The following FYN variants were observed in gnomAD, a reference collection of about 807,000 sequenced individuals.
The protein encoded by FYN is FYN proto-oncogene, Src family tyrosine kinase.
FYN carries 10 observed loss-of-function variants against 70.2 expected under a neutral mutation model. The observed-to-expected ratio is 0.14, with a 90% confidence interval of 0.09 to 0.24. The LOEUF is 0.24. Among genes scored for constraint, FYN ranks in the 10% least tolerant of loss-of-function variants. FYN has a pLI of 1.00. For missense variants in FYN, 319 were observed against 673.1 expected (o/e 0.47, Z 5.82); for synonymous variants, 236 against 248.6 (o/e 0.95, Z 0.48).
intron 1 of FYN, among the ~76,000 whole-genome samples, chr6:111,863,945 CT>C (rs1774033859): frequency 6.6e-6 from 1 of 152,160 alleles, no homozygotes; most frequent in Non-Finnish European, 1.5e-5. Context: ...CCAGAGCTGC[CT>C]GCTGACTCTT....
intron 3 of FYN, among the ~76,000 whole-genome samples, chr6:111,756,311 C>A (rs1294864777): frequency 6.6e-6 from 1 of 151,586 alleles, no homozygotes; most frequent in Non-Finnish European, 1.5e-5. Context: ...AGTCTAATAA[C>A]CTTTAAAAAA....
At chr6:111,855,171 G>GA (rs1397092051) in intron 1 of FYN, among the ~76,000 whole-genome samples, 1 of 152,236 alleles carries the variant, frequency 6.6e-6, no homozygotes, top group African/African-American at 2.4e-5. Context: ...GTTTTAAACA[G>GA]AAAATCAATT....
intron 3 of FYN, among the ~76,000 whole-genome samples, chr6:111,766,827 G>A (rs1237623426): frequency 6.6e-6 from 1 of 152,132 alleles, no homozygotes; most frequent in Non-Finnish European, 1.5e-5. Context: ...ATGACATGTG[G>A]GGATTATGGA....
rs528353475 is a variant in FYN, at chr6:111,756,795, A to C, written c.-12+23771T>G. 2.0e-5 allele frequency among the ~76,000 whole-genome samples: 3 copies of C among 152,344 alleles called. No individual in the cohort carries two copies. In the South Asian group the frequency reaches 6.2e-4, roughly 32 times the overall value. On this transcript the variant is annotated intron_variant, in intron 3 of 13. Transcript: ENST00000354650. ...ATAATTTTTTAAAATAGAAACTTTTAGCAAACTAGGATCAGAAGGGGACTT... is the reference window on the plus strand; with the variant it reads ...ATAATTTTTTAAAATAGAAACTTTTCGCAAACTAGGATCAGAAGGGGACTT...
intron 3 of FYN, among the ~76,000 whole-genome samples, chr6:111,777,385 C>T (rs1178691803): frequency 1.3e-5 from 2 of 151,510 alleles, no homozygotes; most frequent in African/African-American, 2.4e-5. Flanking sequence ...ATAATAAGTA[C>T]TTTATAAATA....
chr6:111,814,208 T>C (rs1006534398), intron 2 of FYN: 1 of 152,190 alleles, frequency 6.6e-6, no homozygotes, highest in African/African-American at 2.4e-5. Flanking sequence ...TTCAACATTT[T>C]AGAAATAGGT....
At position 111,702,866 on chromosome 6, in the gene FYN, T is replaced by A; in HGVS notation, c.697+19A>T. 1 of 1,611,870 alleles carries A rather than the reference T, an allele frequency of 6.2e-7. No individual in the cohort carries two copies. Among genetic ancestry groups the A allele is most frequent in the Non-Finnish European group, 8.5e-7 (1 of 1,178,630 alleles). On this transcript the variant is annotated intron_variant, in intron 8 of 13. Coordinates refer to ENST00000354650, the MANE Select transcript of FYN (RefSeq NM_002037.5). ...CTCCAGCATCCAAATGGTTAGTAGG[T>A]AGTTAGAATTAAGGTTACCTGAGTA...
At chr6:111,866,967 A>G (rs147720752) in intron 1 of FYN, among the ~76,000 whole-genome samples, 2 of 152,140 alleles carry the variant, frequency 1.3e-5, no homozygotes, top group East Asian at 3.9e-4. Flanking sequence ...GCTAAATCCA[A>G]CTGCATTTTT....
intron 12 of FYN, among the ~76,000 whole-genome samples, chr6:111,679,615 C>T (rs1229073736): frequency 6.6e-6 from 1 of 152,126 alleles, no homozygotes; most frequent in African/African-American, 2.4e-5. Flanking sequence ...ATTATCAGTT[C>T]CCTGCCCTCT....
chr6:111,790,261 C>G (rs1226322846), intron 2 of FYN, among the ~76,000 whole-genome samples: 1 of 143,640 alleles, frequency 7.0e-6, no homozygotes, highest in Non-Finnish European at 1.6e-5. Flanking sequence ...CACACACACA[C>G]ACACACACAC....
Position 111,749,863 on chromosome 6 carries a change from G to A in FYN, c.-11-29801C>T, listed in dbSNP as rs556692116. The stretch of plus-strand genomic sequence containing the variant: ...ACAAATATGGAATTAAGAAATGACA[G>A]GGATAAATGACCTACATGATGGAAA... On this transcript the variant is annotated intron_variant, in intron 3 of 13. Transcript: ENST00000354650. Among the ~76,000 whole-genome samples, 8 of 152,086 alleles carry A rather than the reference G, an allele frequency of 5.3e-5. No homozygotes were observed. The East Asian group carries it at 1.4e-3, about 26-fold the overall frequency.
chr6:111,753,494 G>A (rs1802576086), intron 3 of FYN, among the ~76,000 whole-genome samples: 1 of 152,136 alleles, frequency 6.6e-6, no homozygotes, highest in Non-Finnish European at 1.5e-5. Context: ...TTGAAAATTT[G>A]TATGGTGAAA....
At chr6:111,711,523 G>A (rs1800378435) in intron 5 of FYN, among the ~76,000 whole-genome samples, 1 of 152,232 alleles carries the variant, frequency 6.6e-6, no homozygotes, top group South Asian at 2.1e-4. Flanking sequence ...TGGGTAGCAG[G>A]AACACCGCCT....
intron 3 of FYN, among the ~76,000 whole-genome samples, chr6:111,722,180 A>G (rs1427541477): frequency 2.0e-5 from 3 of 152,140 alleles, no homozygotes; most frequent in Admixed American, 2.0e-4. Context: ...ATACTTATTG[A>G]ATTGAATGTC....
At position 111,676,821 on chromosome 6, in the gene FYN, T is replaced by TG. The variant is rs1798545722; in HGVS notation, c.1274-2192dup. Among the ~76,000 whole-genome samples, 4 of 152,218 alleles carry TG rather than the reference T, an allele frequency of 2.6e-5. No homozygotes were observed. The South Asian group carries it at 8.3e-4, about 32-fold the overall frequency. On this transcript the variant is annotated intron_variant, in intron 12 of 13. Coordinates refer to ENST00000354650, the MANE Select transcript of FYN (RefSeq NM_002037.5). ...CCTTCTTTGAATCACTCAACATTGGTGAAGGTGTGTGTGTTGCTGAAAGTG... is the reference window on the plus strand; with the variant it reads ...CCTTCTTTGAATCACTCAACATTGGTGGAAGGTGTGTGTGTTGCTGAAAGTG...
chr6:111,736,804 C>T (rs771209790), intron 3 of FYN, among the ~76,000 whole-genome samples: 19 of 152,218 alleles, frequency 1.2e-4, no homozygotes, highest in Non-Finnish European at 2.1e-4. Context: ...TAAGTCCCTT[C>T]ATCATTTTCT....
chr6:111,832,955 G>A (rs989040896), intron 2 of FYN, among the ~76,000 whole-genome samples: 2 of 152,172 alleles, frequency 1.3e-5, no homozygotes, highest in African/African-American at 4.8e-5. Flanking sequence ...AGACTCCAGA[G>A]AACATGTGCT....
At chr6:111,767,228 A>G (rs910796358) in intron 3 of FYN, among the ~76,000 whole-genome samples, 1 of 152,214 alleles carries the variant, frequency 6.6e-6, no homozygotes, top group Admixed American at 6.5e-5. Context: ...AACTTCAGGT[A>G]TATTGAAAAA....
intron 2 of FYN, among the ~76,000 whole-genome samples, chr6:111,797,404 T>C (rs1314901504): frequency 6.6e-6 from 1 of 152,038 alleles, no homozygotes; most frequent in Admixed American, 6.6e-5. Context: ...AGAATTTTTA[T>C]ATTTTCACCA....
Sources: allele counts gnomAD v4.1 joint callset (sites outside exome capture counted in the v4.1 genomes callset), GRCh38; gene constraint gnomAD v4.1.1; transcripts MANE v1.5; gene names NCBI Gene and HGNC (gene_info 2026-07-23, HGNC 2026-07-21).